STX8: variants seen among roughly 807,000 people sequenced by gnomAD.
STX8 encodes the protein syntaxin 8, also known as syntaxin-8.
A neutral mutation model predicts 37.5 loss-of-function variants in STX8; 23 were observed. The ratio of observed to expected loss-of-function variants is 0.61; its 90% CI spans 0.44 to 0.87. STX8 has a LOEUF of 0.87. Among genes scored for constraint, STX8 ranks in the 40% least tolerant of loss-of-function variants. STX8 has a pLI of 0.00. For synonymous variants in STX8, 115 were observed against 99.1 expected (o/e 1.16, Z -0.95); for missense variants, 313 against 284.7 (o/e 1.10, Z -0.71).
intron 6 of STX8, among the ~76,000 whole-genome samples, chr17:9,423,680 C>T (rs1219226768): frequency 2.6e-5 from 4 of 152,184 alleles, no homozygotes; most frequent in African/African-American, 9.6e-5. Flanking sequence ...TGAAAACTGA[C>T]ATGAGTTATG....
rs567559255 is a variant in STX8 at position 9,343,840 on chromosome 17, C to G, written c.643+34712G>C. On this transcript the variant is annotated intron_variant, in intron 7 of 7. Coordinates refer to ENST00000306357, the MANE Select transcript of STX8 (RefSeq NM_004853.3). ...CTCCTGTAGTGTTCTGGTTTGCGTT[C>G]TTTGATGAGAAATATTAATTCCAGG... Among the ~76,000 whole-genome samples, 76 of 152,130 alleles carry G rather than the reference C, an allele frequency of 5.0e-4. 1 individual carries two copies. The South Asian group carries it at 7.7e-3, about 15-fold the overall frequency.
chr17:9,344,111 A>G (rs903427372), intron 7 of STX8, among the ~76,000 whole-genome samples: 1 of 152,196 alleles, frequency 6.6e-6, no homozygotes, highest in African/African-American at 2.4e-5. Flanking sequence ...CTGCCTAAGT[A>G]CAGGATGCTT....
intron 2 of STX8, among the ~76,000 whole-genome samples, chr17:9,558,498 T>C (rs1033887640): frequency 6.6e-6 from 1 of 152,028 alleles, no homozygotes; most frequent in Non-Finnish European, 1.5e-5. Flanking sequence ...TCACCTACAA[T>C]GTTGTGGGGA....
chr17:9,433,474 C>T (rs1567559146), intron 6 of STX8, among the ~76,000 whole-genome samples: 1 of 152,196 alleles, frequency 6.6e-6, no homozygotes, highest in Non-Finnish European at 1.5e-5. Context: ...AGCATCCATT[C>T]ATTCTTTCAT....
At chr17:9,278,005 C>T (rs958867497) in intron 7 of STX8, among the ~76,000 whole-genome samples, 26 of 152,090 alleles carry the variant, frequency 1.7e-4, no homozygotes, top group Non-Finnish European at 3.7e-4. Context: ...GTTAGACAGT[C>T]ATTTATGTCA....
chr17:9,538,776 G>A (rs927205487), intron 4 of STX8, among the ~76,000 whole-genome samples: 1 of 151,990 alleles, frequency 6.6e-6, no homozygotes, highest in Non-Finnish European at 1.5e-5. Context: ...GAAGATTAAA[G>A]CTTAGCCAAT....
At chr17:9,276,643 T>C (rs188473586) in intron 7 of STX8, among the ~76,000 whole-genome samples, 11 of 149,288 alleles carry the variant, frequency 7.4e-5, no homozygotes, top group Middle Eastern at 3.4e-3. Flanking sequence ...TTTTTTTTGG[T>C]TGTTGTTTTT....
At chr17:9,429,123 T>C (rs1913748697) in intron 6 of STX8, among the ~76,000 whole-genome samples, 1 of 151,886 alleles carries the variant, frequency 6.6e-6, no homozygotes, top group Non-Finnish European at 1.5e-5. Flanking sequence ...AGTGGGGTTT[T>C]TAAAACAGTT....
rs1022825563 is a variant in STX8, at chr17:9,499,690, G to A, written c.448+5348C>T. Reference sequence around the variant, plus strand: ...TGGGATTACCGGCGTGAGCCACCACGCCCAGCCGGAACATAGCATTTCAAA... The same window carrying A: ...TGGGATTACCGGCGTGAGCCACCACACCCAGCCGGAACATAGCATTTCAAA... On this transcript the variant is annotated intron_variant, in intron 5 of 7. Coordinates refer to ENST00000306357, the MANE Select transcript of STX8 (RefSeq NM_004853.3). Among the ~76,000 whole-genome samples the A allele has an allele frequency of 6.6e-5, 10 of 152,240 alleles. No homozygotes were observed. The East Asian group carries it at 1.4e-3, about 21-fold the overall frequency.
chr17:9,494,310 C>T (rs1906997554), intron 5 of STX8, among the ~76,000 whole-genome samples: 1 of 151,386 alleles, frequency 6.6e-6, no homozygotes, highest in African/African-American at 2.4e-5. Context: ...CCACCGCCCC[C>T]GGCCCCCATG....
At chr17:9,312,956 T>C (rs561943171) in intron 7 of STX8, among the ~76,000 whole-genome samples, 143 of 152,112 alleles carry the variant, frequency 9.4e-4, no homozygotes, top group African/African-American at 3.3e-3. Flanking sequence ...TTTGGGAGGC[T>C]GAGGTAGGTG....
intron 7 of STX8, among the ~76,000 whole-genome samples, chr17:9,326,742 A>C (rs889617564): frequency 2.0e-5 from 3 of 152,222 alleles, no homozygotes; most frequent in Non-Finnish European, 4.4e-5. Flanking sequence ...GAAAGGCACA[A>C]TATCTTTCCT....
At chr17:9,458,887 T>C in intron 6 of STX8, among the ~76,000 whole-genome samples, 1 of 149,034 alleles carries the variant, frequency 6.7e-6, no homozygotes, top group East Asian at 2.0e-4. Context: ...TGGAGTGCAG[T>C]GGTGCAATCT....
At chr17:9,277,614 A>C (rs1056918868) in intron 7 of STX8, among the ~76,000 whole-genome samples, 1 of 152,118 alleles carries the variant, frequency 6.6e-6, no homozygotes, top group Non-Finnish European at 1.5e-5. Context: ...CACACAATAA[A>C]ATGATTACAA....
At chr17:9,384,054 A>G (rs1911906884) in intron 6 of STX8, among the ~76,000 whole-genome samples, 2 of 151,798 alleles carry the variant, frequency 1.3e-5, no homozygotes. Flanking sequence ...TCATAGCTGT[A>G]CTAGTTCACA....
chr17:9,513,517 C>G (rs978643971), intron 4 of STX8, among the ~76,000 whole-genome samples: 5 of 152,026 alleles, frequency 3.3e-5, no homozygotes, highest in African/African-American at 1.2e-4. Flanking sequence ...ATCAAAAACA[C>G]AAAATAAATG....
chr17:9,362,835 A>AAAAAT (rs1387132593), intron 7 of STX8, among the ~76,000 whole-genome samples: 2 of 139,786 alleles, frequency 1.4e-5, no homozygotes, highest in African/African-American at 2.9e-5. Context: ...TCTCAAAAAA[A>AAAAAT]AAAAAAAATA....
chr17:9,325,504 T>A (rs1378298670), intron 7 of STX8, among the ~76,000 whole-genome samples: 2 of 152,158 alleles, frequency 1.3e-5, no homozygotes, highest in Non-Finnish European at 2.9e-5. Flanking sequence ...GGTTCCCATG[T>A]TAAAGGGGGC....
chr17:9,563,802 A>C (rs1338910049), intron 2 of STX8, among the ~76,000 whole-genome samples: 1 of 152,200 alleles, frequency 6.6e-6, no homozygotes, highest in African/African-American at 2.4e-5. Flanking sequence ...GGATAACATA[A>C]GACAGAAAAA....
Sources: allele counts gnomAD v4.1 joint callset (sites outside exome capture counted in the v4.1 genomes callset), GRCh38; gene constraint gnomAD v4.1.1; transcripts MANE v1.5; gene names NCBI Gene and HGNC (gene_info 2026-07-23, HGNC 2026-07-21).